LIN7A: variants seen among roughly 807,000 people sequenced by gnomAD.
LIN7A encodes the protein protein lin-7 homolog A.
In LIN7A, 25 loss-of-function variants were observed where a neutral mutation model predicts 29.8. The observed-to-expected ratio is 0.84, with a 90% CI of 0.61 to 1.17. LIN7A has a LOEUF of 1.17. Among genes scored for constraint, LIN7A ranks in the 50% most tolerant of loss-of-function variants. LIN7A has a pLI of 0.00. For missense variants in LIN7A, 239 were observed against 287.0 expected (o/e 0.83, Z 1.21); for synonymous variants, 118 against 107.5 (o/e 1.10, Z -0.60).
chr12:80,838,300 T>A (rs1010827465), intron 4 of LIN7A, among the ~76,000 whole-genome samples: 2 of 152,206 alleles, frequency 1.3e-5, no homozygotes, highest in African/African-American at 4.8e-5. Flanking sequence ...TCTTGCAGGC[T>A]GAAATCACCA....
chr12:80,832,921 A>T (rs1027688294), intron 4 of LIN7A, among the ~76,000 whole-genome samples: 1 of 152,118 alleles, frequency 6.6e-6, no homozygotes, highest in Non-Finnish European at 1.5e-5. Flanking sequence ...TGGTGACTGG[A>T]TGGGGAGGGT....
At chr12:80,934,141 A>AT in intron 1 of LIN7A, among the ~76,000 whole-genome samples, 1 of 152,328 alleles carries the variant, frequency 6.6e-6, no homozygotes, top group Non-Finnish European at 1.5e-5. Context: ...AAGGTGATAA[A>AT]TGAATATTGA....
chr12:80,898,536 G>T (rs1876031720), intron 1 of LIN7A, among the ~76,000 whole-genome samples: 1 of 151,684 alleles, frequency 6.6e-6, no homozygotes, highest in Non-Finnish European at 1.5e-5. Context: ...ATTGTAGTTT[G>T]ATAGGAATAT....
chr12:80,849,052 C>T (rs968404069), intron 2 of LIN7A, among the ~76,000 whole-genome samples: 1 of 152,158 alleles, frequency 6.6e-6, no homozygotes, highest in East Asian at 1.9e-4. Flanking sequence ...TCCACTAACG[C>T]TGACTCATCT....
intron 1 of LIN7A, among the ~76,000 whole-genome samples, chr12:80,911,962 GT>G (rs2120807682): frequency 6.6e-6 from 1 of 151,986 alleles, no homozygotes; most frequent in South Asian, 2.1e-4. Flanking sequence ...GTTAACTCAG[GT>G]GCAAGTACTT....
At chr12:80,870,842 CTA>C (rs1382834540) in intron 2 of LIN7A, among the ~76,000 whole-genome samples, 4 of 152,126 alleles carry the variant, frequency 2.6e-5, no homozygotes, top group African/African-American at 9.7e-5. Flanking sequence ...TTTTGTTGTA[CTA>C]TGGTAGGCAC....
intron 5 of LIN7A, among the ~76,000 whole-genome samples, chr12:80,807,781 G>T (rs904327157): frequency 6.6e-6 from 1 of 152,100 alleles, no homozygotes; most frequent in Non-Finnish European, 1.5e-5. Context: ...AAAATGACTC[G>T]TCCTTGTCTG....
chr12:80,807,063 G>GTTTTTTTTTTGTTTTTTTTTTTTTTT (rs1871029199), intron 5 of LIN7A, among the ~76,000 whole-genome samples: 12 of 53,592 alleles, frequency 2.2e-4, no homozygotes, highest in Admixed American at 4.4e-4. Flanking sequence ...TGAAGATGGA[G>GTTTTTTTTTTGTTTTTTTTTTTTTTT]TTTTTTTTTT....
intron 4 of LIN7A, 146 bp downstream of exon 4, chr12:80,845,584 G>C: frequency 1.7e-6 from 1 of 597,870 alleles, no homozygotes; most frequent in Non-Finnish European, 2.9e-6. Flanking sequence ...GCTTTTATAG[G>C]TTTAATATCC....
intron 4 of LIN7A, among the ~76,000 whole-genome samples, chr12:80,839,575 AGTTC>A (rs1872720805): frequency 1.3e-5 from 2 of 152,244 alleles, no homozygotes; most frequent in African/African-American, 4.8e-5. Context: ...CTTGCAGTGT[AGTTC>A]ATAGCAATTA....
At chr12:80,915,789 A>G (rs935111158) in intron 1 of LIN7A, among the ~76,000 whole-genome samples, 1 of 152,226 alleles carries the variant, frequency 6.6e-6, no homozygotes, top group Non-Finnish European at 1.5e-5. Flanking sequence ...AGAAAACAAA[A>G]TACCACACGT....
At chr12:80,854,526 T>A (rs1873502654) in intron 2 of LIN7A, among the ~76,000 whole-genome samples, 1 of 146,894 alleles carries the variant, frequency 6.8e-6, no homozygotes, top group Admixed American at 6.8e-5. Flanking sequence ...ATTATAATGA[T>A]TTTATGTGAC....
chr12:80,904,840 G>A (rs1224175801), intron 1 of LIN7A, among the ~76,000 whole-genome samples: 1 of 151,976 alleles, frequency 6.6e-6, no homozygotes, highest in Non-Finnish European at 1.5e-5. Context: ...TGTAGCTGAA[G>A]GTAATTTTAT....
At chr12:80,810,570 C>T (rs1030466673) in intron 5 of LIN7A, among the ~76,000 whole-genome samples, 2 of 152,160 alleles carry the variant, frequency 1.3e-5, no homozygotes, top group African/African-American at 4.8e-5. Context: ...GTAAACATCT[C>T]TTTGACATAT....
intron 1 of LIN7A, among the ~76,000 whole-genome samples, chr12:80,916,322 G>A (rs7294446): frequency 0.21 from 31,520 of 152,010 alleles, 5,928 homozygotes; most frequent in African/African-American, 0.48. Flanking sequence ...TAGTAACCCT[G>A]AGCCTCATGC....
At chr12:80,931,744 T>G (rs1877922733) in intron 1 of LIN7A, among the ~76,000 whole-genome samples, 1 of 152,168 alleles carries the variant, frequency 6.6e-6, no homozygotes, top group Non-Finnish European at 1.5e-5. Context: ...TTCAGTTCAA[T>G]TTTTTAATAT....
chr12:80,841,359 GGA>G (rs1872803003), intron 4 of LIN7A, among the ~76,000 whole-genome samples: 1 of 75,490 alleles, frequency 1.3e-5, no homozygotes, highest in East Asian at 2.7e-4. Flanking sequence ...AAGGAAGGAA[GGA>G]AGGAAGGAAG....
At chr12:80,894,445 C>A (rs552936273) in intron 1 of LIN7A, among the ~76,000 whole-genome samples, 1 of 151,696 alleles carries the variant, frequency 6.6e-6, no homozygotes, top group East Asian at 1.9e-4. Context: ...CCCCTTTGCT[C>A]TCCCTCACAC....
At chr12:80,911,701 T>G (rs907699641) in intron 1 of LIN7A, among the ~76,000 whole-genome samples, 4 of 152,226 alleles carry the variant, frequency 2.6e-5, no homozygotes, top group African/African-American at 9.6e-5. Context: ...AACAAGGTTT[T>G]GAATTTATAG....
Sources: allele counts gnomAD v4.1 joint callset (sites outside exome capture counted in the v4.1 genomes callset), GRCh38; gene constraint gnomAD v4.1.1; transcripts MANE v1.5; gene names NCBI Gene and HGNC (gene_info 2026-07-23, HGNC 2026-07-21).